SLC41A2: variants seen among roughly 807,000 people sequenced by gnomAD.
The protein encoded by SLC41A2 is SLC41A1-like 1.
Under a neutral mutation model 58.3 loss-of-function variants are expected in SLC41A2, and 32 were observed. That is an observed-to-expected ratio of 0.55 (90% CI 0.41 to 0.74). SLC41A2 has a LOEUF of 0.74. Ranked by LOEUF, SLC41A2 falls within the 30% of genes least tolerant of loss-of-function variation. The probability of loss-of-function intolerance (pLI) is 0.00; values close to 1 mark genes in which losing one functional copy is unlikely to be tolerated. For synonymous variants in SLC41A2, 190 were observed against 235.0 expected, an observed-to-expected ratio of 0.81 and a Z score of 1.75; for missense variants, 514 against 680.6, an observed-to-expected ratio of 0.76 and a Z score of 2.72.
intron 2 of SLC41A2, among the ~76,000 whole-genome samples, chr12:104,917,426 G>T (rs377644543): frequency 6.6e-6 from 1 of 152,010 alleles, no homozygotes; most frequent in Non-Finnish European, 1.5e-5. Context: ...GCGATTCCTC[G>T]GGGATCTAGA....
intron 2 of SLC41A2, among the ~76,000 whole-genome samples, chr12:104,916,385 G>T (rs2046321993): frequency 6.6e-6 from 1 of 152,076 alleles, no homozygotes; most frequent in Non-Finnish European, 1.5e-5. Flanking sequence ...ATTCGGCTGT[G>T]AATCCATTTT....
rs1394816344 is a variant in SLC41A2 at position 104,928,510 on chromosome 12, T to C, written c.18A>G (p.Gly6=). 2.5e-5 allele frequency: 38 copies of C among 1,510,276 alleles called. No individual in the cohort carries two copies. In the Admixed American group the frequency reaches 8.0e-4, roughly 32 times the overall value. The allele number at this position is 1,510,276 out of a possible 1,614,324, so 93.6% of individuals were successfully genotyped here. The change falls in exon 2 of 11, where the codon GGA becomes GGG. Residue 6 remains glycine (G), a synonymous_variant. Transcript: ENST00000258538. ...CACTTGTTTTATCGGTAATAGATCT[T>C]CCTTTACTATTAGTCATATTGTCAT... is the stretch of plus-strand genomic sequence containing the variant. MTNSK[G]RSITDKTSGG... is the part of the protein sequence containing the mutation.
chr12:104,879,040 G>C (rs533468950), intron 6 of SLC41A2, among the ~76,000 whole-genome samples: 1 of 152,338 alleles, frequency 6.6e-6, no homozygotes, highest in African/African-American at 2.4e-5. Context: ...TTGTGGTTTT[G>C]ATTTGCATTT....
intron 6 of SLC41A2, among the ~76,000 whole-genome samples, chr12:104,873,942 G>C (rs1196302652): frequency 6.6e-6 from 1 of 151,904 alleles, no homozygotes; most frequent in Non-Finnish European, 1.5e-5. Context: ...TCAAACATAT[G>C]GTTCACAAAT....
chr12:104,805,391 A>C, intron 10 of SLC41A2, 54 bp from the exon 11 acceptor site: 6 of 1,493,788 alleles, frequency 4.0e-6, no homozygotes, highest in Non-Finnish European at 5.4e-6. Flanking sequence ...CTAGCCCATG[A>C]AACATGGCCA....
At chr12:104,957,878 A>G (rs2048228653) in intron 1 of SLC41A2, among the ~76,000 whole-genome samples, 1 of 151,800 alleles carries the variant, frequency 6.6e-6, no homozygotes, top group South Asian at 2.1e-4. Flanking sequence ...GAGGTGGGGC[A>G]GGCGCGGGGG....
rs1340423729 is a variant in SLC41A2 at position 104,928,234 on chromosome 12, A to G, written c.294T>C (p.Asn98=). The G allele has an allele frequency of 6.2e-7, 1 of 1,614,176 alleles. No homozygotes were observed. The change falls in exon 2 of 11, where the codon AAT becomes AAC. Residue 98 remains asparagine, a synonymous_variant. Transcript: ENST00000258538. ...GGCTGCAGCTTGATGATGCGTGCCCATTATTGGCATGAAAAGACTGCTCTG... is the reference window on the plus strand; with the variant it reads ...GGCTGCAGCTTGATGATGCGTGCCCGTTATTGGCATGAAAAGACTGCTCTG... ...SFSEQSFHAN[N]GHASSSCSQK... is the part of the protein sequence containing the mutation.
intron 1 of SLC41A2, among the ~76,000 whole-genome samples, chr12:104,947,120 A>G (rs999639273): frequency 3.3e-5 from 5 of 151,598 alleles, no homozygotes; most frequent in Non-Finnish European, 7.4e-5. Flanking sequence ...CCTCTTACCA[A>G]TGAAATATAC....
At position 104,928,497 on chromosome 12, in the gene SLC41A2, C is replaced by T. The variant is rs1401538248; in HGVS notation, c.31G>A (p.Asp11Asn). The T allele has an allele frequency of 4.1e-5, 63 of 1,529,606 alleles. No individual in the cohort carries two copies. The highest frequency in any genetic ancestry group is 5.2e-5 in the Non-Finnish European group (59 of 1,137,170). 94.8% of individuals were successfully genotyped at this position (1,529,606 alleles called of 1,614,324 possible). A position where few individuals can be genotyped will look rare whatever the true frequency, so the allele number is the denominator to read the frequency against. MTNSKGRSITDKTSGGPSSGG... is the reference protein window; with the variant it reads MTNSKGRSITNKTSGGPSSGG... ...CTACTTGGACCACCACTTGTTTTAT[C>T]GGTAATAGATCTTCCTTTACTATTA... The change falls in exon 2 of 11, where the codon GAT becomes AAT. Residue 11 changes from aspartate to asparagine, a missense_variant. Physicochemically the swap from Asp to Asn is conservative, Grantham distance 23. Transcript: ENST00000258538.
intron 1 of SLC41A2, among the ~76,000 whole-genome samples, chr12:104,952,641 C>G (rs2047998329): frequency 6.6e-6 from 1 of 152,140 alleles, no homozygotes; most frequent in African/African-American, 2.4e-5. Context: ...CCCTACTTAC[C>G]CCTACAATCC....
At chr12:104,912,597 A>T (rs1276122760) in intron 2 of SLC41A2, among the ~76,000 whole-genome samples, 1 of 152,144 alleles carries the variant, frequency 6.6e-6, no homozygotes, top group Non-Finnish European at 1.5e-5. Flanking sequence ...ATATTTCTTC[A>T]TCTGTATTCT....
At chr12:104,820,326 G>A (rs2041577068) in intron 10 of SLC41A2, among the ~76,000 whole-genome samples, 1 of 152,210 alleles carries the variant, frequency 6.6e-6, no homozygotes, top group East Asian at 1.9e-4. Context: ...AGCCAGGCAT[G>A]GCGGTGCACA....
At chr12:104,940,868 G>C (rs568893233) in intron 1 of SLC41A2, among the ~76,000 whole-genome samples, 2 of 146,848 alleles carry the variant, frequency 1.4e-5, no homozygotes, top group South Asian at 4.3e-4. Flanking sequence ...GCAGTGAGCC[G>C]AGATCATGGT....
chr12:104,838,088 G>C (rs1224800705), intron 10 of SLC41A2, among the ~76,000 whole-genome samples: 1 of 152,108 alleles, frequency 6.6e-6, no homozygotes, highest in Non-Finnish European at 1.5e-5. Flanking sequence ...TTATGTCTTT[G>C]TAGTTAAGAT....
chr12:104,863,955 CT>C (rs35791974), intron 7 of SLC41A2, among the ~76,000 whole-genome samples: 853 of 144,116 alleles, frequency 5.9e-3, no homozygotes, highest in Non-Finnish European at 9.8e-3. Context: ...ATCAATTCCA[CT>C]TTTTTTTTTT....
chr12:104,893,234 T>C (rs1024232495), intron 4 of SLC41A2, among the ~76,000 whole-genome samples: 22 of 152,214 alleles, frequency 1.4e-4, no homozygotes, highest in African/African-American at 4.8e-4. Flanking sequence ...ATACAAATGG[T>C]AGTCAGTCAT....
chr12:104,815,967 C>T (rs2041383510), intron 10 of SLC41A2, among the ~76,000 whole-genome samples: 1 of 152,088 alleles, frequency 6.6e-6, no homozygotes, highest in Non-Finnish European at 1.5e-5. Flanking sequence ...TGTTTGATCA[C>T]CTACCTTTTT....
At chr12:104,858,550 C>T (rs2043098093) in intron 8 of SLC41A2, among the ~76,000 whole-genome samples, 1 of 152,222 alleles carries the variant, frequency 6.6e-6, no homozygotes, top group African/African-American at 2.4e-5. Context: ...CATTCCCCAA[C>T]ACATTTTAAA....
At chr12:104,905,258 G>A (rs1219811893) in intron 3 of SLC41A2, among the ~76,000 whole-genome samples, 1 of 151,574 alleles carries the variant, frequency 6.6e-6, no homozygotes, top group Non-Finnish European at 1.5e-5. Context: ...GCCAATTGGT[G>A]TATTTACAAT....
Sources: allele counts gnomAD v4.1 joint callset (sites outside exome capture counted in the v4.1 genomes callset), GRCh38; gene constraint gnomAD v4.1.1; transcripts MANE v1.5; gene names NCBI Gene and HGNC (gene_info 2026-07-23, HGNC 2026-07-21).